Variants in SH3RF3 observed in about 807,000 individuals in gnomAD.
SH3RF3 encodes the protein SH3 domain containing ring finger 3.
SH3RF3 carries 29 observed loss-of-function variants against 66.3 expected under a neutral mutation model. The observed-to-expected ratio is 0.44, with a 90% CI of 0.33 to 0.60. The LOEUF (loss-of-function observed/expected upper bound fraction) is 0.60, where lower values mean the gene tolerates loss of function less well. SH3RF3 is among the 20% of genes least tolerant of loss of function. The pLI is 0.04. For missense variants in SH3RF3, 1,194 were observed against 1,190.9 expected (o/e 1.00, Z -0.04); for synonymous variants, 583 against 532.0 (o/e 1.10, Z -1.32).
At chr2:109,445,251 G>T (rs1480326985) in intron 7 of SH3RF3, among the ~76,000 whole-genome samples, 1 of 152,222 alleles carries the variant, frequency 6.6e-6, no homozygotes, top group Non-Finnish European at 1.5e-5. Context: ...GAAGAGATGG[G>T]ACAGAGAGAA....
intron 1 of SH3RF3, among the ~76,000 whole-genome samples, chr2:109,251,222 C>T (rs984517147): frequency 2.6e-5 from 4 of 152,050 alleles, no homozygotes; most frequent in Admixed American, 1.3e-4. Context: ...AGGCTGGTCT[C>T]GAACTCCTTA....
intron 1 of SH3RF3, among the ~76,000 whole-genome samples, chr2:109,269,105 A>G (rs1387200340): frequency 6.6e-6 from 1 of 152,168 alleles, no homozygotes; most frequent in African/African-American, 2.4e-5. Context: ...CAAGGGCCGC[A>G]CGTGGATTTT....
At chr2:109,422,246 T>C (rs1423972352) in intron 5 of SH3RF3, among the ~76,000 whole-genome samples, 1 of 152,200 alleles carries the variant, frequency 6.6e-6, no homozygotes, top group African/African-American at 2.4e-5. Flanking sequence ...GAATGATGGC[T>C]TGGGGACTCC....
intron 1 of SH3RF3, among the ~76,000 whole-genome samples, chr2:109,308,246 G>A (rs1463668256): frequency 2.4e-5 from 3 of 123,724 alleles, no homozygotes; most frequent in Non-Finnish European, 4.8e-5. Context: ...TGTTCACATC[G>A]TTTGCCCACT....
chr2:109,251,012 T>A lies in SH3RF3; in HGVS notation c.574-96662T>A, dbSNP rs180944471. ...AATTATTAATATTTTTATTTATTTA[T>A]TTTTTTTGAGATTGAGTCTCACTCT... is the stretch of plus-strand genomic sequence containing the variant. On this transcript the variant is annotated intron_variant, in intron 1 of 9. Transcript: ENST00000309415. Among the ~76,000 whole-genome samples, 1,263 of 151,816 alleles carry A rather than the reference T, an allele frequency of 8.3e-3. 16 individuals are homozygous for A. Among genetic ancestry groups the A allele is most frequent in the African/African-American group, 0.029 (1,210 of 41,392 alleles).
chr2:109,267,149 G>A (rs966144073), intron 1 of SH3RF3, among the ~76,000 whole-genome samples: 37 of 152,122 alleles, frequency 2.4e-4, no homozygotes, highest in African/African-American at 6.0e-4. Flanking sequence ...AAACAGGATG[G>A]GAGTTGCTTC....
intron 1 of SH3RF3, among the ~76,000 whole-genome samples, chr2:109,230,473 G>A (rs918221129): frequency 1.3e-5 from 2 of 152,076 alleles, no homozygotes; most frequent in Non-Finnish European, 2.9e-5. Context: ...CCAGTTACTC[G>A]GGGGGCTGAG....
intron 5 of SH3RF3, among the ~76,000 whole-genome samples, chr2:109,431,586 G>A: frequency 6.6e-6 from 1 of 152,148 alleles, no homozygotes; most frequent in Non-Finnish European, 1.5e-5. Flanking sequence ...TTCCTTATTT[G>A]CAAATAAGAC....
chr2:109,335,750 G>A (rs1682400830), intron 1 of SH3RF3, among the ~76,000 whole-genome samples: 2 of 152,328 alleles, frequency 1.3e-5, no homozygotes, highest in South Asian at 4.1e-4. Context: ...CAAGTAACGG[G>A]CACTCATTCC....
intron 8 of SH3RF3, among the ~76,000 whole-genome samples, chr2:109,471,563 A>AC (rs1678510430): frequency 2.6e-5 from 4 of 152,186 alleles, no homozygotes; most frequent in Non-Finnish European, 5.9e-5. Context: ...GAGCCAAACC[A>AC]TATCAGTCAG....
At chr2:109,371,495 C>T (rs1444720466) in intron 2 of SH3RF3, 91 bp from the exon 3 acceptor site, 4 of 1,019,698 alleles carry the variant, frequency 3.9e-6, no homozygotes, top group African/African-American at 3.2e-5. Flanking sequence ...GAATCTCTTC[C>T]GAGCCTCCAC....
chr2:109,223,712 C>T (rs1238234064), intron 1 of SH3RF3, among the ~76,000 whole-genome samples: 3 of 151,862 alleles, frequency 2.0e-5, no homozygotes, highest in African/African-American at 7.3e-5. Flanking sequence ...CGTGGAGATC[C>T]GGGATGTGTC....
intron 1 of SH3RF3, among the ~76,000 whole-genome samples, chr2:109,343,411 G>T (rs1190007159): frequency 6.6e-6 from 1 of 151,798 alleles, no homozygotes; most frequent in African/African-American, 2.4e-5. Context: ...TCTTAAAAAG[G>T]TTCATTCCCC....
At chr2:109,299,173 G>T (rs1049166356) in intron 1 of SH3RF3, among the ~76,000 whole-genome samples, 1 of 152,206 alleles carries the variant, frequency 6.6e-6, no homozygotes, top group African/African-American at 2.4e-5. Context: ...TGCTCACGGG[G>T]CCTCCTCTGA....
At chr2:109,397,351 A>G (rs1186489639) in intron 3 of SH3RF3, among the ~76,000 whole-genome samples, 1 of 151,998 alleles carries the variant, frequency 6.6e-6, no homozygotes, top group Non-Finnish European at 1.5e-5. Context: ...ACAGGCATTT[A>G]CCCAGCCTGA....
intron 1 of SH3RF3, among the ~76,000 whole-genome samples, chr2:109,230,220 A>C (rs761784984): frequency 9.9e-5 from 15 of 151,782 alleles, no homozygotes; most frequent in Non-Finnish European, 2.2e-4. Flanking sequence ...TCAACTTGGG[A>C]TGGTTTGACT....
chr2:109,217,951 C>T (rs573743025), intron 1 of SH3RF3, among the ~76,000 whole-genome samples: 1 of 152,166 alleles, frequency 6.6e-6, no homozygotes, highest in Non-Finnish European at 1.5e-5. Flanking sequence ...ACCTTTCCCT[C>T]GAGGGCTCTG....
intron 2 of SH3RF3, among the ~76,000 whole-genome samples, chr2:109,349,147 A>G (rs1682785822): frequency 7.7e-6 from 1 of 130,572 alleles, no homozygotes; most frequent in Admixed American, 8.1e-5. Flanking sequence ...TCTCTCCCCC[A>G]TCTGCTGAGT....
chr2:109,170,300 TTCTCTTCTCTTCTCTCCTCTC>T (rs1677744054), intron 1 of SH3RF3, among the ~76,000 whole-genome samples: 2 of 121,310 alleles, frequency 1.6e-5, no homozygotes, highest in Non-Finnish European at 1.7e-5. Flanking sequence ...TTCTCTTCTC[TTCTCTTCTCTTCTCTCCTCTC>T]TCTCTCTCCT....
Sources: gnomAD v4.1 joint callset for allele counts (sites outside exome capture counted in the v4.1 genomes callset) on GRCh38, gnomAD v4.1.1 for gene constraint, MANE v1.5 for transcripts, NCBI Gene and HGNC (gene_info 2026-07-23, HGNC 2026-07-21) for gene names.